Variants in YARS1 observed in about 807,000 individuals in gnomAD.
The protein encoded by YARS1 is tyrosine--tRNA ligase, cytoplasmic.
A neutral mutation model predicts 62.2 loss-of-function variants in YARS1; 36 were observed. The ratio of observed to expected loss-of-function variants is 0.58; its 90% CI spans 0.44 to 0.76. The LOEUF is 0.76. Ranked by LOEUF, YARS1 falls within the 30% of genes least tolerant of loss-of-function variation. The pLI, the probability that YARS1 is intolerant of heterozygous loss-of-function variation, is 0.00. For synonymous variants in YARS1, 234 were observed against 244.9 expected (o/e 0.96, Z 0.42); for missense variants, 524 against 639.8 (o/e 0.82, Z 1.95).
At chr1:32,791,993 A>G (rs1385831110) in intron 5 of YARS1, among the ~76,000 whole-genome samples, 2 of 152,074 alleles carry the variant, frequency 1.3e-5, no homozygotes, top group Admixed American at 6.6e-5. Flanking sequence ...GGAAACAGCT[A>G]TTGGAGTTCA....
chr1:32,787,512 ATTT>A (rs5773386), intron 6 of YARS1, among the ~76,000 whole-genome samples: 1 of 142,474 alleles, frequency 7.0e-6, no homozygotes, highest in Non-Finnish European at 1.5e-5. Flanking sequence ...ATAAATAAAG[ATTT>A]TTTTTTTTTT....
At chr1:32,780,990 G>A (rs1481866060) in intron 10 of YARS1, 58 bp downstream of exon 10, 6 of 1,526,304 alleles carry the variant, frequency 3.9e-6, no homozygotes, top group Non-Finnish European at 3.6e-6. Context: ...TCCTCCGGAT[G>A]GAAACAGACA....
Position 32,786,932 on chromosome 1 carries a change from A to T in YARS1, c.820+8T>A, listed in dbSNP as rs751014307. 7 of 1,613,992 alleles carry T rather than the reference A, an allele frequency of 4.3e-6. No individual in the cohort carries two copies. The highest frequency in any genetic ancestry group is 5.9e-6 in the Non-Finnish European group (7 of 1,179,956). On this transcript the variant is annotated splice_region_variant and intron_variant, in intron 7 of 12. Transcript: ENST00000373477. ...CCTGGCCTCTAGGAAGAAAACAGAG[A>T]GTGTTACCGGACTTAAGGGGAAAAA...
rs911375918 is a variant in YARS1 at position 32,795,075 on chromosome 1, T to A, written c.591+2688A>T. Among the ~76,000 whole-genome samples the A allele has an allele frequency of 6.9e-5, 10 of 144,120 alleles. 1 individual carries two copies. Among genetic ancestry groups the A allele is most frequent in the Non-Finnish European group, 1.5e-4 (10 of 66,902 alleles). The allele number at this position is 144,120 out of a possible 152,430, so 94.5% of individuals were successfully genotyped here. The stretch of plus-strand genomic sequence containing the variant: ...TGGCTCACGCTTGTAATCTCAGCAC[T>A]CTGGGAGGCCAAGGTCGGAGGATCA... On this transcript the variant is annotated intron_variant, in intron 5 of 12. Transcript: ENST00000373477.
chr1:32,785,153 C>A (rs753820981), intron 8 of YARS1, among the ~76,000 whole-genome samples: 7 of 152,146 alleles, frequency 4.6e-5, no homozygotes, highest in Non-Finnish European at 7.4e-5. Context: ...AAATATGCAG[C>A]CCTGGAGAGC....
chr1:32,795,693 C>A (rs1653559698), intron 5 of YARS1, among the ~76,000 whole-genome samples: 1 of 151,422 alleles, frequency 6.6e-6, no homozygotes, highest in Admixed American at 6.6e-5. Context: ...GTAGTCCCAG[C>A]TACTTGGGAG....
At chr1:32,797,705 A>T (rs1460795209) in intron 5 of YARS1, 58 bp downstream of exon 5, 4 of 1,447,212 alleles carry the variant, frequency 2.8e-6, no homozygotes, top group Non-Finnish European at 3.9e-6. Context: ...TAGTTCAATA[A>T]ACACAGCTGC....
intron 4 of YARS1, among the ~76,000 whole-genome samples, chr1:32,805,905 T>C (rs1474563657): frequency 6.6e-6 from 1 of 152,160 alleles, no homozygotes; most frequent in African/African-American, 2.4e-5. Flanking sequence ...GAGGTTGCAG[T>C]GAGCCGAGAT....
chr1:32,788,602 T>A (rs1227890481), intron 6 of YARS1, among the ~76,000 whole-genome samples: 2 of 152,012 alleles, frequency 1.3e-5, no homozygotes, highest in East Asian at 3.9e-4. Flanking sequence ...CAGCTAATTT[T>A]GTATTTTTAG....
At position 32,784,304 on chromosome 1, in the gene YARS1, C is replaced by T. The variant is rs987994336; in HGVS notation, c.907-1765G>A. 1.4e-4 allele frequency among the ~76,000 whole-genome samples: 21 copies of T among 152,076 alleles called. 1 individual carries two copies. The South Asian group carries it at 1.7e-3, about 12-fold the overall frequency. On this transcript the variant is annotated intron_variant, in intron 8 of 12. Transcript: ENST00000373477. ...TGCTGGGATTACAGGTGTGAGCCAC[C>T]GCACCTGGCGTACATTAACATTTCT...
Position 32,780,069 on chromosome 1 carries a change from C to A in YARS1, c.1334+16G>T, listed in dbSNP as rs773479387. ...GCCTCCCCAGGTCCTGTGCCCCACT[C>A]CAAGTCCTCACTCACATAGAAGCAC... On this transcript the variant is annotated intron_variant, in intron 11 of 12. Transcript: ENST00000373477. The A allele has an allele frequency of 6.2e-7, 1 of 1,613,894 alleles. No individual in the cohort carries two copies. The highest frequency in any genetic ancestry group is 8.5e-7 in the Non-Finnish European group (1 of 1,180,018).
At chr1:32,806,124 C>T (rs1160901768) in intron 4 of YARS1, among the ~76,000 whole-genome samples, 1 of 152,196 alleles carries the variant, frequency 6.6e-6, no homozygotes, top group Admixed American at 6.5e-5. Context: ...GTAGTCAGAA[C>T]ACACACAATA....
At chr1:32,799,542 G>A (rs184362049) in intron 4 of YARS1, among the ~76,000 whole-genome samples, 4 of 152,284 alleles carry the variant, frequency 2.6e-5, no homozygotes, top group East Asian at 1.9e-4. Context: ...AAGTAGAATC[G>A]ATAAGATTTA....
intron 1 of YARS1, among the ~76,000 whole-genome samples, chr1:32,814,073 T>G (rs967997456): frequency 6.6e-6 from 1 of 152,200 alleles, no homozygotes; most frequent in Non-Finnish European, 1.5e-5. Flanking sequence ...CCAAATCTCC[T>G]GCTTACGCCC....
At chr1:32,778,524 A>G (rs1434845655) in intron 12 of YARS1, among the ~76,000 whole-genome samples, 1 of 150,558 alleles carries the variant, frequency 6.6e-6, no homozygotes, top group Non-Finnish European at 1.5e-5. Context: ...TTCTCGTCTC[A>G]GCCTCCTGAG....
chr1:32,802,305 C>T (rs2148612563), intron 4 of YARS1, among the ~76,000 whole-genome samples: 1 of 152,136 alleles, frequency 6.6e-6, no homozygotes, highest in East Asian at 1.9e-4. Flanking sequence ...GTCTTGAACC[C>T]CTCAAAGTCA....
intron 4 of YARS1, among the ~76,000 whole-genome samples, chr1:32,803,940 C>G (rs1385403995): frequency 2.0e-5 from 3 of 152,130 alleles, no homozygotes; most frequent in Non-Finnish European, 4.4e-5. Flanking sequence ...GTGGTGATGA[C>G]TCTTAACGAG....
At chr1:32,779,194 A>G (rs1347571514) in intron 12 of YARS1, among the ~76,000 whole-genome samples, 188 bp downstream of exon 12, 1 of 152,186 alleles carries the variant, frequency 6.6e-6, no homozygotes, top group African/African-American at 2.4e-5. Context: ...GATGTAATGC[A>G]AGGTCCTAAG....
chr1:32,787,512 A>ATT (rs5773386), intron 6 of YARS1, among the ~76,000 whole-genome samples: 1 of 142,486 alleles, frequency 7.0e-6, no homozygotes, highest in Non-Finnish European at 1.5e-5. Flanking sequence ...ATAAATAAAG[A>ATT]TTTTTTTTTT....
Sources: gnomAD v4.1 joint callset for allele counts (sites outside exome capture counted in the v4.1 genomes callset) on GRCh38, gnomAD v4.1.1 for gene constraint, MANE v1.5 for transcripts, NCBI Gene and HGNC (gene_info 2026-07-23, HGNC 2026-07-21) for gene names.